Variants in GRIP2 observed in about 807,000 individuals in gnomAD.
The protein encoded by GRIP2 is glutamate receptor-interacting protein 2.
Under a neutral mutation model 108.3 loss-of-function variants are expected in GRIP2, and 58 were observed. That is an observed-to-expected ratio of 0.54 (90% CI 0.43 to 0.67). The LOEUF (loss-of-function observed/expected upper bound fraction) is 0.67, where lower values mean the gene tolerates loss of function less well. Among genes scored for constraint, GRIP2 ranks in the 30% least tolerant of loss-of-function variants. The probability of loss-of-function intolerance (pLI) is 0.00; values close to 1 mark genes in which losing one functional copy is unlikely to be tolerated. For synonymous variants in GRIP2, 586 were observed against 598.2 expected, an observed-to-expected ratio of 0.98 and a Z score of 0.30; for missense variants, 1,278 against 1,430.6, an observed-to-expected ratio of 0.89 and a Z score of 1.72.
At chr3:14,523,822 T>A (rs992630247) in intron 4 of GRIP2, 124 bp from the exon 5 acceptor site, 1 of 697,764 alleles carries the variant, frequency 1.4e-6, no homozygotes, top group Non-Finnish European at 2.5e-6. Context: ...GGGTAAACCC[T>A]TGCCCATTTT....
upstream of GRIP2, among the ~76,000 whole-genome samples, chr3:14,545,791 C>T (rs1695048669): frequency 6.6e-6 from 1 of 152,228 alleles, no homozygotes; most frequent in South Asian, 2.1e-4. Context: ...CATGGCCCTG[C>T]CCTGTCTCTC....
rs1227913056 is a variant in GRIP2, at chr3:14,525,894, T to C, written c.78A>G (p.Gly26=). 1.9e-6 allele frequency: 3 copies of C among 1,561,582 alleles called. No individual in the cohort carries two copies. Among genetic ancestry groups the C allele is most frequent in the Admixed American group, 3.8e-5 (2 of 52,562 alleles). The change falls in exon 2 of 24, where the codon GGA becomes GGG. Residue 26 remains glycine (G), a synonymous_variant. Transcript: ENST00000621039. ...GGCACGCCAGGGAAACGTCGGCCCC[T>C]CCTGCGTCCTTGCCTCCTTTGGAGT... ...GPYSKGGKDA[G]GADVSLACRR... is the part of the protein sequence containing the mutation.
chr3:14,584,830 G>C, the GRIP2 span, among the ~76,000 whole-genome samples: 16 of 152,298 alleles, frequency 1.1e-4, no homozygotes, highest in African/African-American at 3.4e-4. Flanking sequence ...CCTGCCCGCA[G>C]CCCATAGACC....
Position 14,496,484 on chromosome 3 carries a change from C to A in GRIP2, c.2756G>T (p.Arg919Leu). 1 of 1,611,976 alleles carries A rather than the reference C, an allele frequency of 6.2e-7. No individual in the cohort carries two copies. Among genetic ancestry groups the A allele is most frequent in the Non-Finnish European group, 8.5e-7 (1 of 1,179,284 alleles). The part of the protein sequence containing the change: ...RPGHRPWQRG[R>L]EVRASPAEME... ...TTCTGCAGGAGAGGCTCGTACCTCC[C>A]GGCCCCTCTGCCAAGGCCGGTGGCC... The change falls in exon 22 of 24, where the codon CGG becomes CTG. Residue 919 changes from arginine (R) to leucine (L), a missense_variant. By Grantham distance (102) the Arg-to-Leu change is moderately radical. Coordinates refer to ENST00000621039, the MANE Select transcript of GRIP2 (RefSeq NM_001080423.4).
chr3:14,523,000 C>A lies in GRIP2; in HGVS notation c.566G>T (p.Arg189Met). 6.2e-7 allele frequency: 1 copy of A among 1,613,676 alleles called. No homozygotes were observed. Among genetic ancestry groups the A allele is most frequent in the Non-Finnish European group, 8.5e-7 (1 of 1,179,718 alleles). The change falls in exon 6 of 24, where the codon AGG becomes ATG. Residue 189 changes from arginine (R) to methionine (M), a missense_variant and splice_region_variant. Arg to Met is a moderately conservative substitution (Grantham distance 91). Coordinates refer to ENST00000621039, the MANE Select transcript of GRIP2 (RefSeq NM_001080423.4). The surrounding 1 kb of genome is among the most constrained non-coding windows in gnomAD (Gnocchi z 4.3). ...TYVRPGGPAD[R>M]EGSLKVGDRL... ...GTGGATTTCTTCTGCCTCGGCTCACCTGTCGGCAGGGCCACCGGGCCGCAC... is the reference window on the plus strand; with the variant it reads ...GTGGATTTCTTCTGCCTCGGCTCACATGTCGGCAGGGCCACCGGGCCGCAC...
the GRIP2 span, among the ~76,000 whole-genome samples, chr3:14,562,573 G>C: frequency 6.6e-6 from 1 of 152,236 alleles, no homozygotes; most frequent in Non-Finnish European, 1.5e-5. Context: ...CAGTGTTTTA[G>C]GAGGCCCTAA....
chr3:14,559,360 T>C (rs1695284538), upstream of GRIP2, among the ~76,000 whole-genome samples: 2 of 149,124 alleles, frequency 1.3e-5, no homozygotes, highest in South Asian at 4.2e-4. Context: ...TTGGTTTAAG[T>C]GGAATTCAGG....
intron 1 of GRIP2, among the ~76,000 whole-genome samples, chr3:14,547,589 G>C (rs1018140105): frequency 6.6e-6 from 1 of 152,218 alleles, no homozygotes; most frequent in Admixed American, 6.5e-5. Context: ...TGGAGGGAGA[G>C]AGGGATAGGG....
the GRIP2 span, among the ~76,000 whole-genome samples, chr3:14,577,366 A>G: frequency 6.6e-6 from 1 of 152,246 alleles, no homozygotes; most frequent in African/African-American, 2.4e-5. Flanking sequence ...ATCCAGAAAG[A>G]GACAGAGGCT....
intron 1 of GRIP2, 165 bp from the exon 2 acceptor site, chr3:14,526,096 C>A: frequency 1.5e-6 from 1 of 648,228 alleles, no homozygotes. Context: ...CACAGCTCCT[C>A]CTCCCAAAGA....
chr3:14,523,490 T>C (rs1694468828), intron 5 of GRIP2, 122 bp downstream of exon 5: 1 of 712,850 alleles, frequency 1.4e-6, no homozygotes, highest in South Asian at 1.7e-5. Context: ...AACGGTCCTG[T>C]GTTCTTCAAA....
upstream of GRIP2, among the ~76,000 whole-genome samples, chr3:14,546,228 G>C (rs377418671): frequency 3.3e-5 from 5 of 152,300 alleles, no homozygotes; most frequent in South Asian, 6.2e-4. Flanking sequence ...GGCCGACCAA[G>C]CTTGGGTACC....
In GRIP2 at chr3:14,507,388, T is replaced by C. The variant is rs1201223478; in HGVS notation, c.2218+173A>G. 6.6e-6 allele frequency among the ~76,000 whole-genome samples: 1 copy of C among 152,262 alleles called. No homozygotes were observed. Among genetic ancestry groups the C allele is most frequent in the African/African-American group, 2.4e-5 (1 of 41,470 alleles). On this transcript the variant is annotated intron_variant, in intron 18 of 23. Transcript: ENST00000621039. The surrounding 1 kb of genome is among the most constrained non-coding windows in gnomAD (Gnocchi z 4.6). ...CAGATTCTGCCCCGTGCCCACTGTG[T>C]GGCCCTGGGCTCATCACTTCCCTCT...
the GRIP2 span, chr3:14,573,633 G>T: frequency 6.7e-7 from 1 of 1,500,730 alleles, no homozygotes; most frequent in Non-Finnish European, 9.2e-7. Context: ...GGGCCGTCCT[G>T]TGATGACACA....
intron 1 of GRIP2, among the ~76,000 whole-genome samples, chr3:14,553,106 C>CTTT (rs35902290): frequency 5.3e-5 from 7 of 131,464 alleles, no homozygotes; most frequent in African/African-American, 2.1e-4. Flanking sequence ...ATTTTCTTTC[C>CTTT]TTTTTTTTTT....
intron 21 of GRIP2, among the ~76,000 whole-genome samples, chr3:14,499,148 C>T (rs1440167657): frequency 1.3e-5 from 2 of 152,154 alleles, no homozygotes; most frequent in Non-Finnish European, 2.9e-5. Flanking sequence ...GAAGGTGGGG[C>T]CGGAATCTGC....
intron 1 of GRIP2, among the ~76,000 whole-genome samples, chr3:14,537,654 G>A (rs938585664): frequency 4.6e-5 from 7 of 152,258 alleles, no homozygotes; most frequent in African/African-American, 1.7e-4. Flanking sequence ...ATCCCCCATG[G>A]CCACAGCCCC....
In GRIP2 at chr3:14,493,336, GC is replaced by G; in HGVS notation, c.*328del. On this transcript the variant is annotated 3_prime_UTR_variant, in exon 24 of 24. Transcript: ENST00000621039. ...CTACATCTTCGACCTCTCCAAGGAG[GC>G]CCCACAGAGACCTGGGACAGCCCCC... 3.4e-6 allele frequency: 1 copy of G among 296,362 alleles called. No homozygotes were observed. The highest frequency in any genetic ancestry group is 6.3e-6 in the Non-Finnish European group (1 of 159,726). The allele number at this position is 296,362 out of a possible 1,614,324, so 18.4% of individuals were successfully genotyped here. A position where few individuals can be genotyped will look rare whatever the true frequency, so the allele number is the denominator to read the frequency against.
chr3:14,503,938 C>T (rs1219314038), intron 20 of GRIP2: 9 of 486,556 alleles, frequency 1.8e-5, no homozygotes, highest in East Asian at 3.7e-5. Flanking sequence ...GGGTGGAGAG[C>T]GGTGACACAG....
Sources: gnomAD v4.1 joint callset for allele counts (sites outside exome capture counted in the v4.1 genomes callset) on GRCh38, gnomAD v4.1.1 for gene constraint, Gnocchi (gnomAD v3.1) non-coding constraint, MANE v1.5 for transcripts, NCBI Gene and HGNC (gene_info 2026-07-23, HGNC 2026-07-21) for gene names.